Variants in LRPPRC observed in about 807,000 individuals in gnomAD.
LRPPRC encodes leucine-rich PPR motif-containing protein, mitochondrial.
A neutral mutation model predicts 180.3 loss-of-function variants in LRPPRC; 120 were observed. The ratio of observed to expected loss-of-function variants is 0.67; its 90% CI spans 0.57 to 0.77. The LOEUF is 0.77. Ranked by LOEUF, LRPPRC falls within the 30% of genes least tolerant of loss-of-function variation. The probability of loss-of-function intolerance (pLI) is 0.00; values close to 1 mark genes in which losing one functional copy is unlikely to be tolerated. For synonymous variants in LRPPRC, 723 were observed against 600.0 expected (o/e 1.21, Z -3.00); for missense variants, 2,012 against 1,657.2 (o/e 1.21, Z -3.72).
intron 1 of LRPPRC, among the ~76,000 whole-genome samples, chr2:43,982,947 G>A (rs1322669976): frequency 6.6e-6 from 1 of 151,282 alleles, no homozygotes; most frequent in African/African-American, 2.4e-5. Flanking sequence ...TTTTTTTAAG[G>A]ATCATTTAGG....
At chr2:43,994,529 G>A (rs1008469184) in intron 1 of LRPPRC, among the ~76,000 whole-genome samples, 2 of 152,190 alleles carry the variant, frequency 1.3e-5, no homozygotes, top group Non-Finnish European at 2.9e-5. Context: ...GCCTGGAGAT[G>A]TTAAGTAACT....
rs1193745103 is a variant in LRPPRC, at chr2:43,925,092, C to T, written c.2871G>A (p.Met957Ile). 3.2e-6 allele frequency: 5 copies of T among 1,586,976 alleles called. No individual in the cohort carries two copies. In the South Asian group the frequency reaches 4.4e-5, roughly 14 times the overall value. Residue 957 changes from methionine to isoleucine, a missense_variant, in exon 27 of 38, where the codon ATG becomes ATA. Met to Ile is a conservative substitution (Grantham distance 10). Transcript: ENST00000260665. ...TATACAGTTTTAGCAGATTGTAGTA[C>T]ATCTGGTCTCTATCACATTCAAATA... Reference protein sequence around the residue: ...QKLFECDRDQMYYNLLKLYKI... With the variant: ...QKLFECDRDQIYYNLLKLYKI...
At chr2:43,939,020 C>G (rs1672375564) in intron 23 of LRPPRC, among the ~76,000 whole-genome samples, 1 of 151,858 alleles carries the variant, frequency 6.6e-6, no homozygotes. Context: ...CGCCTGTAAT[C>G]CCAGCACTTT....
In LRPPRC at chr2:43,912,336, A is replaced by G. The variant is rs143702438; in HGVS notation, c.3275+96T>C. Reference sequence around the variant, plus strand: ...ATGGGTAGCTGAGGCCAATCAAGCAATTTTACTACACAGCACATTACTATT... The same window carrying G: ...ATGGGTAGCTGAGGCCAATCAAGCAGTTTTACTACACAGCACATTACTATT... On this transcript the variant is annotated intron_variant, in intron 30 of 37. Coordinates refer to ENST00000260665, the MANE Select transcript of LRPPRC (RefSeq NM_133259.4). 3 of 1,164,468 alleles carry G rather than the reference A, an allele frequency of 2.6e-6. No individual in the cohort carries two copies. The East Asian group carries it at 7.1e-5, about 28-fold the overall frequency. The allele number at this position is 1,164,468 out of a possible 1,614,324, so 72.1% of individuals were successfully genotyped here.
At chr2:43,892,844 CACAG>C (rs1182918939) in intron 36 of LRPPRC, 1 of 151,724 alleles carries the variant, frequency 6.6e-6, no homozygotes, top group South Asian at 2.1e-4. Context: ...CTATAGCTGA[CACAG>C]ACAGTGATTC....
intron 27 of LRPPRC, among the ~76,000 whole-genome samples, chr2:43,919,982 A>G (rs115634413): frequency 0.011 from 1,693 of 151,884 alleles, 32 homozygotes; most frequent in African/African-American, 0.039. Flanking sequence ...CCCAAAACCA[A>G]AAAGTTAAGT....
chr2:43,983,386 G>T (rs557060427), intron 1 of LRPPRC, among the ~76,000 whole-genome samples: 3 of 151,894 alleles, frequency 2.0e-5, no homozygotes, highest in Non-Finnish European at 2.9e-5. Flanking sequence ...GAAAAATCGT[G>T]CATTAAGTAG....
At chr2:43,912,103 C>T (rs573246150) in intron 30 of LRPPRC, among the ~76,000 whole-genome samples, 2 of 152,198 alleles carry the variant, frequency 1.3e-5, no homozygotes, top group South Asian at 4.2e-4. Flanking sequence ...TCAGGCTGCT[C>T]CCACCACAAA....
intron 2 of LRPPRC, among the ~76,000 whole-genome samples, 176 bp downstream of exon 2, chr2:43,982,062 C>A (rs752419064): frequency 6.6e-6 from 1 of 152,124 alleles, no homozygotes; most frequent in African/African-American, 2.4e-5. Context: ...CACGCGCCAC[C>A]ATGCCTGGCT....
rs1486266441 is a variant in LRPPRC at position 43,979,872 on chromosome 2, C to G, written c.423G>C (p.Glu141Asp). ...GSLLPELKLEERTEFAHRIWD... is the reference protein window; with the variant it reads ...GSLLPELKLEDRTEFAHRIWD... Reference sequence around the variant, plus strand: ...ATATCCTATGAGCAAATTCTGTTCTCTCTTCAAGCTTTAGTTCAGGCAAGA... The same window carrying G: ...ATATCCTATGAGCAAATTCTGTTCTGTCTTCAAGCTTTAGTTCAGGCAAGA... The change falls in exon 3 of 38, where the codon GAG becomes GAC. Residue 141 changes from glutamate to aspartate, a missense_variant. Physicochemically the swap from Glu to Asp is conservative, Grantham distance 45. Transcript: ENST00000260665. The G allele has an allele frequency of 6.2e-7, 1 of 1,613,448 alleles. No homozygotes were observed. Among genetic ancestry groups the G allele is most frequent in the Non-Finnish European group, 8.5e-7 (1 of 1,179,556 alleles).
intron 27 of LRPPRC, among the ~76,000 whole-genome samples, chr2:43,922,897 T>C (rs865777298): frequency 6.6e-6 from 1 of 152,204 alleles, no homozygotes; most frequent in Non-Finnish European, 1.5e-5. Flanking sequence ...TATCCATTTA[T>C]AACACGGCAG....
At chr2:43,966,835 G>C (rs774797138) in intron 11 of LRPPRC, among the ~76,000 whole-genome samples, 18 of 151,732 alleles carry the variant, frequency 1.2e-4, no homozygotes, top group Non-Finnish European at 2.5e-4. Context: ...TGGATCACCT[G>C]AAGTCAGGAG....
chr2:43,972,594 G>A (rs1673867456), intron 11 of LRPPRC, among the ~76,000 whole-genome samples: 1 of 152,114 alleles, frequency 6.6e-6, no homozygotes, highest in African/African-American at 2.4e-5. Context: ...CAGACTGGAG[G>A]ATATACAAAG....
chr2:43,988,960 C>A (rs1674654714), intron 1 of LRPPRC, among the ~76,000 whole-genome samples: 1 of 152,088 alleles, frequency 6.6e-6, no homozygotes, highest in Non-Finnish European at 1.5e-5. Context: ...GCTTTGAACT[C>A]CTGGCCTCAA....
intron 1 of LRPPRC, among the ~76,000 whole-genome samples, chr2:43,991,329 G>C (rs906732285): frequency 6.6e-6 from 1 of 151,980 alleles, no homozygotes; most frequent in Non-Finnish European, 1.5e-5. Context: ...ATAGTACCCA[G>C]CCGGACCCAT....
In LRPPRC at chr2:43,995,977, G is replaced by T; in HGVS notation, c.-30C>A. 2.0e-6 allele frequency: 3 copies of T among 1,523,046 alleles called. No homozygotes were observed. The highest frequency in any genetic ancestry group is 2.6e-5 in the East Asian group (1 of 39,188). The allele number at this position is 1,523,046 out of a possible 1,614,324, so 94.3% of individuals were successfully genotyped here. A position where few individuals can be genotyped will look rare whatever the true frequency, so the allele number is the denominator to read the frequency against. Reference sequence around the variant, plus strand: ...CGAACGTCCCCGCAGCGGGAAGCACGCTCCGCCAGAAGGACAGGAGGAGCA... The same window carrying T: ...CGAACGTCCCCGCAGCGGGAAGCACTCTCCGCCAGAAGGACAGGAGGAGCA... On this transcript the variant is annotated 5_prime_UTR_variant, in exon 1 of 38. Coordinates refer to ENST00000260665, the MANE Select transcript of LRPPRC (RefSeq NM_133259.4).
intron 35 of LRPPRC, among the ~76,000 whole-genome samples, chr2:43,895,293 C>A (rs1240799714): frequency 6.6e-6 from 1 of 152,192 alleles, no homozygotes; most frequent in Non-Finnish European, 1.5e-5. Flanking sequence ...TACTGTCAAG[C>A]AATGGAACAC....
At chr2:43,950,284 C>T (rs145447656) in intron 15 of LRPPRC, among the ~76,000 whole-genome samples, 538 of 151,930 alleles carry the variant, frequency 3.5e-3, no homozygotes, top group Middle Eastern at 0.01. Flanking sequence ...CATCGGTAAA[C>T]GTGTGCCATG....
chr2:43,904,611 T>TGGGA (rs1670999301), intron 31 of LRPPRC: 1 of 150,724 alleles, frequency 6.6e-6, no homozygotes, highest in African/African-American at 2.5e-5. Flanking sequence ...GAGAATCGCT[T>TGGGA]GAACCCAGGA....
Sources: gnomAD v4.1 joint callset for allele counts (sites outside exome capture counted in the v4.1 genomes callset) on GRCh38, gnomAD v4.1.1 for gene constraint, MANE v1.5 for transcripts, NCBI Gene and HGNC (gene_info 2026-07-23, HGNC 2026-07-21) for gene names.